HIVEP3: variants seen among roughly 807,000 people sequenced by gnomAD.
The protein encoded by HIVEP3 is transcription factor HIVEP3.
In HIVEP3, 49 loss-of-function variants were observed where a neutral mutation model predicts 152.8. The observed-to-expected ratio is 0.32, with a 90% CI of 0.26 to 0.41. HIVEP3 has a LOEUF of 0.41. Among genes scored for constraint, HIVEP3 ranks in the 10% least tolerant of loss-of-function variants. The probability of loss-of-function intolerance (pLI) is 1.00; values close to 1 mark genes in which losing one functional copy is unlikely to be tolerated. For synonymous variants in HIVEP3, 1,269 were observed against 1,289.0 expected, an observed-to-expected ratio of 0.98 and a Z score of 0.33; for missense variants, 2,790 against 3,103.3, an observed-to-expected ratio of 0.90 and a Z score of 2.40.
intron 2 of HIVEP3, among the ~76,000 whole-genome samples, chr1:41,688,880 C>A (rs1373267522): frequency 1.3e-5 from 2 of 151,984 alleles, no homozygotes; most frequent in African/African-American, 4.8e-5. Flanking sequence ...GGAACACAGG[C>A]CACCACCTGC....
At chr1:41,866,761 C>T (rs1643983065) in intron 1 of HIVEP3, among the ~76,000 whole-genome samples, 3 of 152,164 alleles carry the variant, frequency 2.0e-5, no homozygotes, top group Admixed American at 2.0e-4. Flanking sequence ...TAGTCTTTTC[C>T]TCAAGCAAAT....
chr1:41,884,708 T>G (rs1020451376), intron 1 of HIVEP3, among the ~76,000 whole-genome samples: 7 of 152,216 alleles, frequency 4.6e-5, no homozygotes, highest in African/African-American at 1.7e-4. Flanking sequence ...AGATTTAGCT[T>G]GTGCTGGGTT....
chr1:41,632,727 G>T (rs1386505382), intron 2 of HIVEP3, among the ~76,000 whole-genome samples: 1 of 151,860 alleles, frequency 6.6e-6, no homozygotes, highest in East Asian at 1.9e-4. Flanking sequence ...CTGCACTCCA[G>T]CCTGGGTGAC....
At chr1:41,999,132 G>A (rs1214052155) in intron 1 of HIVEP3, among the ~76,000 whole-genome samples, 1 of 151,754 alleles carries the variant, frequency 6.6e-6, no homozygotes, top group Admixed American at 6.6e-5. Context: ...TTGACCTCAT[G>A]ATCCACCTGC....
chr1:41,532,858 T>C (rs778897331), intron 5 of HIVEP3, among the ~76,000 whole-genome samples: 3 of 152,122 alleles, frequency 2.0e-5, no homozygotes, highest in African/African-American at 7.2e-5. Context: ...GGGAGGAGGA[T>C]GACCCCACAA....
At position 41,982,849 on chromosome 1, in the gene HIVEP3, T is replaced by C. The variant is rs115564159; in HGVS notation, n.119+52958A>G. ...TGCCTGGTACAGAGTAGGTGCCTAATAAATGTTAGTTGAATGAAACAAATG... is the reference window on the plus strand; with the variant it reads ...TGCCTGGTACAGAGTAGGTGCCTAACAAATGTTAGTTGAATGAAACAAATG... On this transcript the variant is annotated intron_variant and non_coding_transcript_variant, in intron 1 of 3. Transcript: ENST00000489103. 1.2e-3 allele frequency among the ~76,000 whole-genome samples: 184 copies of C among 152,352 alleles called. 1 individual carries two copies. The highest frequency in any genetic ancestry group is 4.2e-3 in the African/African-American group (173 of 41,568).
chr1:41,600,741 G>A (rs1644734249), intron 3 of HIVEP3, among the ~76,000 whole-genome samples: 1 of 152,160 alleles, frequency 6.6e-6, no homozygotes, highest in African/African-American at 2.4e-5. Flanking sequence ...GGCACTACAA[G>A]CAAGAGGTTA....
At chr1:41,830,607 C>T (rs1479538106) in intron 1 of HIVEP3, among the ~76,000 whole-genome samples, 1 of 152,222 alleles carries the variant, frequency 6.6e-6, no homozygotes, top group Non-Finnish European at 1.5e-5. Context: ...ACTGATCACT[C>T]GCACAGGGAC....
chr1:41,995,451 A>C (rs1301964500), intron 1 of HIVEP3, among the ~76,000 whole-genome samples: 1 of 152,206 alleles, frequency 6.6e-6, no homozygotes, highest in African/African-American at 2.4e-5. Context: ...AGCCATTTTC[A>C]GACAAAAACT....
rs1644914656 is a variant in HIVEP3, at chr1:41,918,895, CT to C, written c.-1284del. Among the ~76,000 whole-genome samples, 1 of 152,192 alleles carries C rather than the reference CT, an allele frequency of 6.6e-6. No individual in the cohort carries two copies. Among genetic ancestry groups the C allele is most frequent in the African/African-American group, 2.4e-5 (1 of 41,452 alleles). ...GAATCCAGAGCCAACCCATGCCTCGCTTGTCTTTTCCACTAGGAGTCCAGAC... is the reference window on the plus strand; with the variant it reads ...GAATCCAGAGCCAACCCATGCCTCGCTGTCTTTTCCACTAGGAGTCCAGAC... On this transcript the variant is annotated 5_prime_UTR_variant, in exon 1 of 9. Coordinates refer to ENST00000372583, the MANE Select transcript of HIVEP3 (RefSeq NM_024503.5). This position sits in a 1 kb window ranked among gnomAD's most constrained non-coding sequence, Gnocchi z 4.3.
chr1:41,773,263 G>A (rs1648490199), intron 1 of HIVEP3, among the ~76,000 whole-genome samples: 1 of 152,190 alleles, frequency 6.6e-6, no homozygotes, highest in South Asian at 2.1e-4. Flanking sequence ...CAAGTGACTG[G>A]TGGAACTAAG....
At chr1:41,670,266 G>A (rs1645854863) in intron 2 of HIVEP3, among the ~76,000 whole-genome samples, 1 of 152,158 alleles carries the variant, frequency 6.6e-6, no homozygotes, top group Non-Finnish European at 1.5e-5. Flanking sequence ...GGGACCATCA[G>A]CCCCAGTTAA....
intron 1 of HIVEP3, among the ~76,000 whole-genome samples, chr1:41,825,609 CTATA>C (rs1370813265): frequency 1.3e-5 from 2 of 150,836 alleles, no homozygotes; most frequent in Non-Finnish European, 2.9e-5. Flanking sequence ...TTAATTCTCA[CTATA>C]TATATTTTTT....
In HIVEP3 at chr1:41,896,643, C is replaced by A. The variant is rs556195699; in HGVS notation, c.-801+21770G>T. Among the ~76,000 whole-genome samples, 5 of 150,718 alleles carry A rather than the reference C, an allele frequency of 3.3e-5. No homozygotes were observed. In the East Asian group the frequency reaches 7.8e-4, roughly 24 times the overall value. ...AGGCTAGAGTGCAATGGTGCGATCT[C>A]GGGTCACCGCAACCTCTGCCTCCCG... On this transcript the variant is annotated intron_variant, in intron 1 of 8. Coordinates refer to ENST00000372583, the MANE Select transcript of HIVEP3 (RefSeq NM_024503.5).
rs142504062 is a variant in HIVEP3 at position 41,864,022 on chromosome 1, G to A, written c.-801+54391C>T. ...CATCCTGGAATCAGACGTGGAGAGAGGTGAAGATTCCATCCTCTGCACCAA... is the reference window on the plus strand; with the variant it reads ...CATCCTGGAATCAGACGTGGAGAGAAGTGAAGATTCCATCCTCTGCACCAA... On this transcript the variant is annotated intron_variant, in intron 1 of 8. Coordinates refer to ENST00000372583, the MANE Select transcript of HIVEP3 (RefSeq NM_024503.5). Among the ~76,000 whole-genome samples the A allele has an allele frequency of 7.7e-4, 117 of 152,280 alleles. 1 individual carries two copies. The highest frequency in any genetic ancestry group is 2.8e-3 in the African/African-American group (117 of 41,552).
intron 1 of HIVEP3, among the ~76,000 whole-genome samples, chr1:41,852,146 T>C (rs183251393): frequency 6.6e-6 from 1 of 152,348 alleles, no homozygotes; most frequent in East Asian, 1.9e-4. Flanking sequence ...CTCCATTCAG[T>C]CTTGCTGTTT....
At chr1:42,002,324 G>C (rs557060281) in intron 1 of HIVEP3, among the ~76,000 whole-genome samples, 1 of 152,054 alleles carries the variant, frequency 6.6e-6, no homozygotes, top group African/African-American at 2.4e-5. Flanking sequence ...GAACGGGCAG[G>C]ACCTTCTCAC....
intron 1 of HIVEP3, among the ~76,000 whole-genome samples, chr1:41,809,986 A>G (rs1042344491): frequency 6.6e-6 from 1 of 152,186 alleles, no homozygotes; most frequent in African/African-American, 2.4e-5. Context: ...GTGTACATGC[A>G]CACACCAGAT....
At chr1:41,796,397 G>T (rs1310459100) in intron 1 of HIVEP3, among the ~76,000 whole-genome samples, 2 of 152,228 alleles carry the variant, frequency 1.3e-5, no homozygotes, top group Non-Finnish European at 2.9e-5. Flanking sequence ...ACTATATGAG[G>T]ACAAAGAATA....
Sources: allele counts gnomAD v4.1 joint callset (sites outside exome capture counted in the v4.1 genomes callset), GRCh38; gene constraint gnomAD v4.1.1; non-coding constraint Gnocchi (gnomAD v3.1); transcripts MANE v1.5; gene names NCBI Gene and HGNC (gene_info 2026-07-23, HGNC 2026-07-21).